ERFL: variants seen among roughly 807,000 people sequenced by gnomAD.
ERFL encodes ETS domain-containing transcription factor ERF-like.
Under a neutral mutation model 27.9 loss-of-function variants are expected in ERFL, and 8 were observed. The observed-to-expected ratio is 0.29, with a 90% CI of 0.17 to 0.52. The LOEUF (loss-of-function observed/expected upper bound fraction) is 0.52, where lower values mean the gene tolerates loss of function less well. ERFL is among the 20% of genes least tolerant of loss of function. The pLI is 0.97. For missense variants in ERFL, 294 were observed against 444.4 expected (o/e 0.66, Z 3.04); for synonymous variants, 174 against 202.8 (o/e 0.86, Z 1.21).
rs1388514400 is a variant in ERFL at position 41,917,490 on chromosome 19, C to A, written c.-13-4558G>T. ...CCTCACCCAGGCCCCCCCATCCCCA[C>A]CTCCCCTTAACACAATCTGCACAAT... is the stretch of plus-strand genomic sequence containing the variant. On this transcript the variant is annotated intron_variant, in intron 1 of 5. Transcript: ENST00000597630. This position sits in a 1 kb window ranked among gnomAD's most constrained non-coding sequence, Gnocchi z 4.8. Among the ~76,000 whole-genome samples, 7 of 151,448 alleles carry A rather than the reference C, an allele frequency of 4.6e-5. No individual in the cohort carries two copies. Among genetic ancestry groups the A allele is most frequent in the Admixed American group, 4.6e-4 (7 of 15,214 alleles).
intron 1 of ERFL, among the ~76,000 whole-genome samples, chr19:41,927,403 G>T (rs782614480): frequency 7.2e-5 from 11 of 152,032 alleles, no homozygotes; most frequent in Non-Finnish European, 1.3e-4. Context: ...CAGATATCCA[G>T]ATCCAAATTC....
intron 1 of ERFL, among the ~76,000 whole-genome samples, chr19:41,926,337 A>T (rs1359272539): frequency 1.3e-5 from 2 of 152,044 alleles, no homozygotes; most frequent in Non-Finnish European, 2.9e-5. Flanking sequence ...ACAGGTATGG[A>T]GGACAGGTGT....
chr19:41,909,941 G>C lies in ERFL; in HGVS notation c.224C>G (p.Pro75Arg). The C allele has an allele frequency of 6.2e-7, 1 of 1,613,900 alleles. No homozygotes were observed. Among genetic ancestry groups the C allele is most frequent in the Non-Finnish European group, 8.5e-7 (1 of 1,179,954 alleles). ...ACCCCACAGCCGGGCCACCTCATCGGGGTCTTTGATGACGAATTCCCCGTA... is the reference window on the plus strand; with the variant it reads ...ACCCCACAGCCGGGCCACCTCATCGCGGTCTTTGATGACGAATTCCCCGTA... ...GDYGEFVIKDPDEVARLWGIR... is the reference protein window; with the variant it reads ...GDYGEFVIKDRDEVARLWGIR... The change falls in exon 3 of 6, where the codon CCC becomes CGC. Residue 75 changes from proline to arginine, a missense_variant. Around this residue, in one of 3 missense-constraint regions of ERFL, gnomAD observed 246 missense variants for 371.4 expected, o/e 0.66. Coordinates refer to ENST00000597630, the MANE Select transcript of ERFL (RefSeq NM_001365103.2). This position sits in a 1 kb window ranked among gnomAD's most constrained non-coding sequence, Gnocchi z 5.2.
At position 41,907,905 on chromosome 19, in the gene ERFL, C is replaced by CACAAACAA. The variant is rs10678871; in HGVS notation, c.*322_*323insTTGTTTGT. On this transcript the variant is annotated 3_prime_UTR_variant, in exon 6 of 6. Transcript: ENST00000597630. ...CACAGGGGGTTTGGAGACACGGCCA[C>CACAAACAA]ACAAACACTTGGGGCATAGCACAGG... The CACAAACAA allele has an allele frequency of 8.1e-6, 2 of 247,586 alleles. No individual in the cohort carries two copies. The highest frequency in any genetic ancestry group is 2.1e-4 in the South Asian group (1 of 4,868). 15.3% of individuals were successfully genotyped at this position (247,586 alleles called of 1,614,324 possible).
chr19:41,920,285 G>GCA (rs2074833674), intron 1 of ERFL, among the ~76,000 whole-genome samples: 1 of 121,486 alleles, frequency 8.2e-6, no homozygotes, highest in African/African-American at 3.0e-5. Flanking sequence ...ACATGATAAC[G>GCA]CTCACAGACA....
At position 41,921,297 on chromosome 19, in the gene ERFL, C is replaced by T. The variant is rs957176189; in HGVS notation, c.-14+6743G>A. ...GAGACATGCAGGGAGGAAGAGAGACCGAGGGGGTGGAGCGTGATACATGGA... is the reference window on the plus strand; with the variant it reads ...GAGACATGCAGGGAGGAAGAGAGACTGAGGGGGTGGAGCGTGATACATGGA... On this transcript the variant is annotated intron_variant, in intron 1 of 5. Transcript: ENST00000597630. This position sits in a 1 kb window ranked among gnomAD's most constrained non-coding sequence, Gnocchi z 4.4. Among the ~76,000 whole-genome samples, 6 of 151,586 alleles carry T rather than the reference C, an allele frequency of 4.0e-5. No homozygotes were observed. Among genetic ancestry groups the T allele is most frequent in the African/African-American group, 4.9e-5 (2 of 41,162 alleles).
At position 41,908,734 on chromosome 19, in the gene ERFL, G is replaced by C. The variant is rs548851153; in HGVS notation, c.617-58C>G. On this transcript the variant is annotated intron_variant, in intron 5 of 5. Transcript: ENST00000597630. This position sits in a 1 kb window ranked among gnomAD's most constrained non-coding sequence, Gnocchi z 6.7. Reference sequence around the variant, plus strand: ...ACCTGCCTGCCTGGGGACCAGTAAAGGGGGCTGCCTCCCTGCCATATCCCA... The same window carrying C: ...ACCTGCCTGCCTGGGGACCAGTAAACGGGGCTGCCTCCCTGCCATATCCCA... The C allele has an allele frequency of 1.1e-6, 1 of 932,584 alleles. No individual in the cohort carries two copies. Among genetic ancestry groups the C allele is most frequent in the African/African-American group, 1.7e-5 (1 of 58,694 alleles). 57.8% of individuals were successfully genotyped at this position (932,584 alleles called of 1,614,324 possible).
intron 2 of ERFL, among the ~76,000 whole-genome samples, chr19:41,912,641 C>T (rs1484235204): frequency 6.6e-6 from 1 of 152,354 alleles, no homozygotes; most frequent in South Asian, 2.1e-4. Context: ...ACCCACCTAT[C>T]CCCCCAGCAC....
In ERFL at chr19:41,908,428, G is replaced by A. The variant is rs558403060; in HGVS notation, c.865C>T (p.Arg289Cys). Reference sequence around the variant, plus strand: ...GGGGCCGCTGCCAGGCCCGAGGGGCGCTCGGGGCCCAGGCCCTCCCCTGTC... The same window carrying A: ...GGGGCCGCTGCCAGGCCCGAGGGGCACTCGGGGCCCAGGCCCTCCCCTGTC... ...ASTGEGLGPE[R>C]PSGLAAAPRL... The change falls in exon 6 of 6, where the codon CGC (arginine) becomes TGC (cysteine). Residue 289 changes from arginine to cysteine, a missense_variant. Coordinates refer to ENST00000597630, the MANE Select transcript of ERFL (RefSeq NM_001365103.2). The surrounding 1 kb of genome is among the most constrained non-coding windows in gnomAD (Gnocchi z 6.7). 5.0e-5 allele frequency: 61 copies of A among 1,231,198 alleles called. No individual in the cohort carries two copies. The highest frequency in any genetic ancestry group is 6.2e-4 in the Middle Eastern group (2 of 3,208). 76.3% of individuals were successfully genotyped at this position (1,231,198 alleles called of 1,614,324 possible).
chr19:41,910,542 T>C lies in ERFL; in HGVS notation c.68-445A>G, dbSNP rs2074746040. On this transcript the variant is annotated intron_variant, in intron 2 of 5. Coordinates refer to ENST00000597630, the MANE Select transcript of ERFL (RefSeq NM_001365103.2). The surrounding 1 kb of genome is among the most constrained non-coding windows in gnomAD (Gnocchi z 4.4). ...CTTACTGTCTCTGTTCCCCATTCCC[T>C]GTCCCCTGCTCCACCTTTCGACATT... Among the ~76,000 whole-genome samples the C allele has an allele frequency of 6.6e-6, 1 of 152,132 alleles. No homozygotes were observed. The highest frequency in any genetic ancestry group is 2.4e-5 in the African/African-American group (1 of 41,410).
intron 1 of ERFL, among the ~76,000 whole-genome samples, chr19:41,913,850 A>C (rs1330230845): frequency 7.1e-6 from 1 of 140,700 alleles, no homozygotes; most frequent in African/African-American, 2.7e-5. Flanking sequence ...CTCCGCAGAC[A>C]CACGCTGCCC....
At position 41,918,963 on chromosome 19, in the gene ERFL, CCA is replaced by C. The variant is rs1263719316; in HGVS notation, c.-13-6033_-13-6032del. On this transcript the variant is annotated intron_variant, in intron 1 of 5. Coordinates refer to ENST00000597630, the MANE Select transcript of ERFL (RefSeq NM_001365103.2). Reference sequence around the variant, plus strand: ...ACTACTCACCATACACACATGCACACCACACACCACACACACACACACCGCAT... The same window carrying C: ...ACTACTCACCATACACACATGCACACCACACCACACACACACACACCGCAT... 4.7e-5 allele frequency among the ~76,000 whole-genome samples: 7 copies of C among 150,026 alleles called. No homozygotes were observed. The East Asian group carries it at 1.4e-3, about 30-fold the overall frequency.
intron 2 of ERFL, among the ~76,000 whole-genome samples, chr19:41,911,922 C>T (rs1266722886): frequency 6.6e-6 from 1 of 151,862 alleles, no homozygotes; most frequent in East Asian, 1.9e-4. Flanking sequence ...TGCACATGGA[C>T]CCTACGCTGA....
intron 1 of ERFL, among the ~76,000 whole-genome samples, chr19:41,926,568 G>A (rs1350738386): frequency 6.6e-6 from 1 of 152,214 alleles, no homozygotes; most frequent in South Asian, 2.1e-4. Flanking sequence ...TCTGGCTCTC[G>A]GGTCCCTCCC....
At chr19:41,912,172 C>T (rs1397251804) in intron 2 of ERFL, among the ~76,000 whole-genome samples, 4 of 152,232 alleles carry the variant, frequency 2.6e-5, no homozygotes, top group Admixed American at 2.6e-4. Context: ...CACGTACAAG[C>T]AAATACACAA....
rs2074728804 is a variant in ERFL at position 41,908,150 on chromosome 19, G to T, written c.*78C>A. On this transcript the variant is annotated 3_prime_UTR_variant, in exon 6 of 6. Transcript: ENST00000597630. This position sits in a 1 kb window ranked among gnomAD's most constrained non-coding sequence, Gnocchi z 6.7. The stretch of plus-strand genomic sequence containing the variant: ...GGGAGGTGCTGAGGGCTGGTCCTGG[G>T]CCTTGGGCCAGGCATCAAGGGCAGA... The T allele has an allele frequency of 8.7e-7, 1 of 1,143,356 alleles. No homozygotes were observed. Among genetic ancestry groups the T allele is most frequent in the African/African-American group, 1.6e-5 (1 of 62,832 alleles). The allele number at this position is 1,143,356 out of a possible 1,614,324, so 70.8% of individuals were successfully genotyped here.
intron 1 of ERFL, among the ~76,000 whole-genome samples, chr19:41,922,191 C>T (rs1555852542): frequency 6.6e-6 from 1 of 152,086 alleles, no homozygotes; most frequent in East Asian, 1.9e-4. Context: ...CCACCAAGGG[C>T]CAGGGCTCAG....
Position 41,910,504 on chromosome 19 carries a change from G to A in ERFL, c.68-407C>T, listed in dbSNP as rs554763264. Among the ~76,000 whole-genome samples the A allele has an allele frequency of 7.9e-5, 12 of 152,138 alleles. No homozygotes were observed. The highest frequency in any genetic ancestry group is 1.3e-4 in the Admixed American group (2 of 15,266). On this transcript the variant is annotated intron_variant, in intron 2 of 5. Transcript: ENST00000597630. The surrounding 1 kb of genome is among the most constrained non-coding windows in gnomAD (Gnocchi z 4.4). Reference sequence around the variant, plus strand: ...AGGTCTCTAGTCTCTTGTACCCTGCGGTGCCCTCAGCTCTTACTGTCTCTG... The same window carrying A: ...AGGTCTCTAGTCTCTTGTACCCTGCAGTGCCCTCAGCTCTTACTGTCTCTG...
chr19:41,923,647 C>A (rs78559419), intron 1 of ERFL, among the ~76,000 whole-genome samples: 2,651 of 87,532 alleles, frequency 0.03, 162 homozygotes, highest in African/African-American at 0.13. Context: ...GGCCAGCATG[C>A]AGGGAGGGGC....
Sources: allele counts gnomAD v4.1 joint callset (sites outside exome capture counted in the v4.1 genomes callset), GRCh38; gene constraint gnomAD v4.1.1; regional missense constraint gnomAD v4.1.1; non-coding constraint Gnocchi (gnomAD v3.1); transcripts MANE v1.5; gene names NCBI Gene and HGNC (gene_info 2026-07-23, HGNC 2026-07-21).